JDP2: variants seen among roughly 807,000 people sequenced by gnomAD.
JDP2 encodes the protein Jun dimerization protein 2.
Under a neutral mutation model 17.1 loss-of-function variants are expected in JDP2, and 9 were observed. The observed-to-expected ratio is 0.53, with a 90% confidence interval of 0.32 to 0.92. The LOEUF (loss-of-function observed/expected upper bound fraction) is 0.92, where lower values mean the gene tolerates loss of function less well. Ranked by LOEUF, JDP2 falls within the 40% of genes least tolerant of loss-of-function variation. The probability of loss-of-function intolerance (pLI) is 0.04; values close to 1 mark genes in which losing one functional copy is unlikely to be tolerated. For synonymous variants in JDP2, 107 were observed against 95.6 expected (o/e 1.12, Z -0.69); for missense variants, 179 against 220.0 (o/e 0.81, Z 1.18).
Position 75,437,920 on chromosome 14 carries a change from T to A in JDP2, c.-1T>A, listed in dbSNP as rs1297888048. ...CAGGCTGGCCTGCCACTCCTCCTGC[T>A]ATGATGCCTGGGCAGATCCCGGACC... On this transcript the variant is annotated 5_prime_UTR_variant, in exon 2 of 4. Coordinates refer to ENST00000651602, the MANE Select transcript of JDP2 (RefSeq NM_001135048.2). 6.2e-6 allele frequency: 10 copies of A among 1,605,196 alleles called. No individual in the cohort carries two copies. The South Asian group carries it at 1.1e-4, about 18-fold the overall frequency.
intron 2 of JDP2, among the ~76,000 whole-genome samples, chr14:75,459,539 G>A (rs900804457): frequency 2.0e-5 from 3 of 152,210 alleles, no homozygotes; most frequent in African/African-American, 4.8e-5. Flanking sequence ...TGCTGGTCTC[G>A]GGCCCAGGCG....
chr14:75,447,873 G>T (rs1161388255), intron 2 of JDP2, among the ~76,000 whole-genome samples: 2 of 152,184 alleles, frequency 1.3e-5, no homozygotes, highest in East Asian at 3.9e-4. Context: ...GCCCAGGCTG[G>T]TCTCGAACTC....
chr14:75,452,252 A>G (rs1410635301), intron 2 of JDP2, among the ~76,000 whole-genome samples: 2 of 152,204 alleles, frequency 1.3e-5, no homozygotes, highest in African/African-American at 2.4e-5. Context: ...GATGGAATGG[A>G]GTCAATCCCT....
At chr14:75,466,912 C>T (rs1443311807) in intron 3 of JDP2, among the ~76,000 whole-genome samples, 1 of 152,086 alleles carries the variant, frequency 6.6e-6, no homozygotes, top group Non-Finnish European at 1.5e-5. Context: ...GAGACGTCTT[C>T]CTTCTCTTCC....
At position 75,438,267 on chromosome 14, in the gene JDP2, C is replaced by T. The variant is rs971826910; in HGVS notation, c.201+146C>T. On this transcript the variant is annotated intron_variant, in intron 2 of 3. Coordinates refer to ENST00000651602, the MANE Select transcript of JDP2 (RefSeq NM_001135048.2). ...ATCAGAAATGTGGAATCCCAGGCCT[C>T]GCCCCAGGCCTTCTGTATCAGAATC... 30 of 606,992 alleles carry T rather than the reference C, an allele frequency of 4.9e-5. 1 individual carries two copies. Among genetic ancestry groups the T allele is most frequent in the Non-Finnish European group, 7.2e-5 (25 of 347,738 alleles). 37.6% of individuals were successfully genotyped at this position (606,992 alleles called of 1,614,324 possible).
At chr14:75,464,733 G>A (rs1255969081) in intron 3 of JDP2, among the ~76,000 whole-genome samples, 2 of 152,210 alleles carry the variant, frequency 1.3e-5, no homozygotes, top group Non-Finnish European at 2.9e-5. Flanking sequence ...GCATCTCAGA[G>A]TTCGCCTGCC....
At chr14:75,448,565 A>G (rs1885713021) in intron 2 of JDP2, among the ~76,000 whole-genome samples, 1 of 152,226 alleles carries the variant, frequency 6.6e-6, no homozygotes, top group African/African-American at 2.4e-5. Flanking sequence ...ATTAATGCTT[A>G]TGGTTCCCCG....
At chr14:75,462,755 G>A (rs1225262920) in intron 3 of JDP2, among the ~76,000 whole-genome samples, 1 of 152,096 alleles carries the variant, frequency 6.6e-6, no homozygotes, top group East Asian at 1.9e-4. Flanking sequence ...GAGGGTCTAT[G>A]GGCATCTTCT....
chr14:75,458,873 G>A (rs1442282780), intron 2 of JDP2, among the ~76,000 whole-genome samples: 1 of 152,214 alleles, frequency 6.6e-6, no homozygotes, highest in East Asian at 1.9e-4. Context: ...TTGGAGAAGG[G>A]TGAGACATTT....
intron 3 of JDP2, among the ~76,000 whole-genome samples, chr14:75,465,276 T>C (rs924445841): frequency 7.4e-6 from 1 of 135,334 alleles, no homozygotes; most frequent in Non-Finnish European, 1.6e-5. Flanking sequence ...TGGAAATCTA[T>C]TTTATATGCC....
chr14:75,454,006 C>T (rs117953897), intron 2 of JDP2, among the ~76,000 whole-genome samples: 3,360 of 152,282 alleles, frequency 0.022, 47 homozygotes, highest in South Asian at 0.044. Flanking sequence ...CATTCTGTCT[C>T]TCTGTGGGTC....
chr14:75,434,841 A>G (rs943714614), intron 1 of JDP2, among the ~76,000 whole-genome samples: 2 of 152,196 alleles, frequency 1.3e-5, no homozygotes, highest in African/African-American at 4.8e-5. Context: ...CGAGCATCTA[A>G]GCTTCCAGAG....
At chr14:75,451,161 G>A (rs920253956) in intron 2 of JDP2, among the ~76,000 whole-genome samples, 4 of 152,160 alleles carry the variant, frequency 2.6e-5, no homozygotes, top group African/African-American at 7.2e-5. Flanking sequence ...GGCCTCATCC[G>A]GAGGGTAAGG....
chr14:75,434,553 G>A (rs1026238415), intron 1 of JDP2, among the ~76,000 whole-genome samples: 12 of 152,112 alleles, frequency 7.9e-5, no homozygotes, highest in African/African-American at 1.4e-4. Flanking sequence ...TATGGGGCCC[G>A]TGCTCCCAGG....
chr14:75,440,424 G>C (rs1293940487), intron 2 of JDP2, among the ~76,000 whole-genome samples: 2 of 152,194 alleles, frequency 1.3e-5, no homozygotes, highest in African/African-American at 4.8e-5. Context: ...AAGAATCTAT[G>C]GTCTGAAGAT....
chr14:75,442,341 G>A (rs1885394123), intron 2 of JDP2, among the ~76,000 whole-genome samples: 1 of 152,138 alleles, frequency 6.6e-6, no homozygotes, highest in Non-Finnish European at 1.5e-5. Flanking sequence ...CAAGAGGTTG[G>A]AGCTGAGGGG....
intron 2 of JDP2, among the ~76,000 whole-genome samples, chr14:75,439,278 C>T (rs1231215749): frequency 1.3e-5 from 2 of 152,258 alleles, no homozygotes; most frequent in African/African-American, 4.8e-5. Flanking sequence ...GCAAACTGGC[C>T]GTGGTGGCAA....
chr14:75,438,037 C>T lies in JDP2; in HGVS notation c.117C>T (p.Asp39=). The T allele has an allele frequency of 6.2e-7, 1 of 1,614,032 alleles. No individual in the cohort carries two copies. The change falls in exon 2 of 4, where the codon GAC becomes GAT. Residue 39 remains aspartate, a synonymous_variant. Transcript: ENST00000651602. Reference sequence around the variant, plus strand: ...CTGTGGAGGAGCTGAAATACGCTGACATCCGCAACCTCGGGGCCATGATTG... The same window carrying T: ...CTGTGGAGGAGCTGAAATACGCTGATATCCGCAACCTCGGGGCCATGATTG... ...ALTVEELKYA[D]IRNLGAMIAP...
intron 2 of JDP2, among the ~76,000 whole-genome samples, chr14:75,450,391 A>G (rs1176768735): frequency 9.2e-5 from 14 of 152,222 alleles, no homozygotes. Context: ...TCTCAGTTGC[A>G]GAATCTAAGG....
Sources: gnomAD v4.1 joint callset for allele counts (sites outside exome capture counted in the v4.1 genomes callset) on GRCh38, gnomAD v4.1.1 for gene constraint, MANE v1.5 for transcripts, NCBI Gene and HGNC (gene_info 2026-07-23, HGNC 2026-07-21) for gene names.